CEP112: variants seen among roughly 807,000 people sequenced by gnomAD.
The protein encoded by CEP112 is centrosomal protein 112.
Under a neutral mutation model 153.0 loss-of-function variants are expected in CEP112, and 127 were observed. The ratio of observed to expected loss-of-function variants is 0.83; its 90% CI spans 0.72 to 0.96. The LOEUF (loss-of-function observed/expected upper bound fraction) is 0.96. CEP112 is among the 40% of genes least tolerant of loss of function. CEP112 has a pLI of 0.00. For missense variants in CEP112, 1,089 were observed against 1,101.2 expected (o/e 0.99, Z 0.16); for synonymous variants, 358 against 374.4 (o/e 0.96, Z 0.51).
At chr17:66,010,347 T>C (rs1398202149) in intron 16 of CEP112, among the ~76,000 whole-genome samples, 1 of 152,108 alleles carries the variant, frequency 6.6e-6, no homozygotes, top group Non-Finnish European at 1.5e-5. Context: ...TCAGATGAAG[T>C]TGTTTATCAG....
At position 66,122,529 on chromosome 17, in the gene CEP112, T is replaced by C. The variant is rs531760999; in HGVS notation, c.642+7217A>G. 1.3e-4 allele frequency among the ~76,000 whole-genome samples: 20 copies of C among 152,292 alleles called. 1 individual carries two copies. In the South Asian group the frequency reaches 4.1e-3, roughly 32 times the overall value. ...ATATTTCTCCCACAGGGTGAAGACT[T>C]TGGAATCACCCCTCAGTGTATGCAG... On this transcript the variant is annotated intron_variant, in intron 6 of 26. Coordinates refer to ENST00000535342, the MANE Select transcript of CEP112 (RefSeq NM_001199165.4).
At chr17:65,945,843 C>T (rs2061634291) in intron 18 of CEP112, among the ~76,000 whole-genome samples, 1 of 152,106 alleles carries the variant, frequency 6.6e-6, no homozygotes. Context: ...GATGGGGTTT[C>T]ACCATGTTGG....
intron 21 of CEP112, among the ~76,000 whole-genome samples, chr17:65,778,544 G>T (rs2053816074): frequency 6.6e-6 from 1 of 151,996 alleles, no homozygotes; most frequent in Admixed American, 6.6e-5. Context: ...CGTGGCTTTG[G>T]CATCATTGTT....
intron 24 of CEP112, among the ~76,000 whole-genome samples, chr17:65,667,319 C>G (rs2046744371): frequency 6.6e-6 from 1 of 152,084 alleles, no homozygotes; most frequent in African/African-American, 2.4e-5. Flanking sequence ...AATGGTTGAA[C>G]AAGCTTGGGA....
At chr17:66,077,419 G>C (rs1389476116) in intron 8 of CEP112, among the ~76,000 whole-genome samples, 1 of 152,178 alleles carries the variant, frequency 6.6e-6, no homozygotes, top group Non-Finnish European at 1.5e-5. Context: ...GCTCTGCAAA[G>C]TCTCAGCAAT....
chr17:66,188,218 T>A (rs191138063), intron 1 of CEP112, among the ~76,000 whole-genome samples: 1 of 151,922 alleles, frequency 6.6e-6, no homozygotes. Context: ...AACAGAATAC[T>A]ATCCAAACCC....
intron 6 of CEP112, among the ~76,000 whole-genome samples, chr17:66,127,714 A>G (rs560270120): frequency 3.9e-5 from 6 of 152,232 alleles, no homozygotes; most frequent in Admixed American, 1.3e-4. Flanking sequence ...TGACTCCAAC[A>G]TATACCTCCA....
intron 4 of CEP112, among the ~76,000 whole-genome samples, chr17:66,157,786 A>G (rs1014207821): frequency 1.3e-5 from 2 of 152,122 alleles, no homozygotes; most frequent in African/African-American, 4.8e-5. Context: ...CAAAAAAGAC[A>G]AAGAAGGGCA....
At chr17:65,757,458 A>G (rs563583895) in intron 21 of CEP112, among the ~76,000 whole-genome samples, 28 of 152,336 alleles carry the variant, frequency 1.8e-4, no homozygotes, top group African/African-American at 5.8e-4. Context: ...CATCTAAAAA[A>G]AGCAGGAAAG....
chr17:66,005,496 C>G (rs534110758), intron 17 of CEP112, among the ~76,000 whole-genome samples, 194 bp downstream of exon 17: 1 of 129,188 alleles, frequency 7.7e-6, no homozygotes, highest in South Asian at 3.2e-4. Context: ...AACAGCTGAA[C>G]TGATTTTTCT....
At chr17:65,841,092 G>A (rs952705432) in intron 21 of CEP112, among the ~76,000 whole-genome samples, 18 of 151,952 alleles carry the variant, frequency 1.2e-4, no homozygotes, top group African/African-American at 4.3e-4. Flanking sequence ...ACAGTATAAA[G>A]GTTCCTCAAA....
intron 17 of CEP112, among the ~76,000 whole-genome samples, chr17:65,993,662 G>A (rs2063676841): frequency 6.6e-6 from 1 of 152,058 alleles, no homozygotes; most frequent in Non-Finnish European, 1.5e-5. Flanking sequence ...TTCAACAAAT[G>A]AGCATGTAAA....
chr17:65,952,370 A>G (rs7225643), intron 18 of CEP112, among the ~76,000 whole-genome samples: 9,822 of 151,936 alleles, frequency 0.065, 463 homozygotes, highest in African/African-American at 0.12. Flanking sequence ...AATAAAAAAC[A>G]CTCAGTATAT....
Position 65,972,587 on chromosome 17 carries a change from C to T in CEP112, c.1737-10989G>A, listed in dbSNP as rs184812579. Among the ~76,000 whole-genome samples the T allele has an allele frequency of 2.3e-3, 344 of 152,034 alleles. 2 individuals carry two copies. Among genetic ancestry groups the T allele is most frequent in the African/African-American group, 7.5e-3 (312 of 41,490 alleles). On this transcript the variant is annotated intron_variant, in intron 17 of 26. Transcript: ENST00000535342. ...ACATTAGGCAAAAATCAGTGAATCC[C>T]AAAGCTGGTTCTTTGAGAAGATCAA...
At chr17:66,071,161 T>A (rs982440283) in intron 8 of CEP112, among the ~76,000 whole-genome samples, 1 of 152,118 alleles carries the variant, frequency 6.6e-6, no homozygotes, top group Non-Finnish European at 1.5e-5. Context: ...GATAAACATA[T>A]ATATCATATT....
intron 23 of CEP112, among the ~76,000 whole-genome samples, chr17:65,693,441 T>G (rs2048211591): frequency 7.3e-6 from 1 of 137,566 alleles, no homozygotes. Flanking sequence ...TTCTGCTCAG[T>G]GAAGTCAAGG....
chr17:65,915,270 C>T (rs543208001), intron 19 of CEP112, among the ~76,000 whole-genome samples: 2 of 152,248 alleles, frequency 1.3e-5, no homozygotes, highest in South Asian at 2.1e-4. Context: ...CATTTTAGCC[C>T]ACTCTTTACC....
chr17:65,672,281 T>C (rs1598274242), intron 24 of CEP112, among the ~76,000 whole-genome samples: 2 of 152,298 alleles, frequency 1.3e-5, no homozygotes, highest in South Asian at 4.1e-4. Flanking sequence ...CAAAGAGATG[T>C]AAAGTTCCTG....
chr17:65,834,687 C>G (rs1438410920), intron 21 of CEP112, among the ~76,000 whole-genome samples: 1 of 151,994 alleles, frequency 6.6e-6, no homozygotes, highest in Non-Finnish European at 1.5e-5. Flanking sequence ...AGTAAAAAGT[C>G]AAAAAATAAC....
Sources: gnomAD v4.1 joint callset for allele counts (sites outside exome capture counted in the v4.1 genomes callset) on GRCh38, gnomAD v4.1.1 for gene constraint, MANE v1.5 for transcripts, NCBI Gene and HGNC (gene_info 2026-07-23, HGNC 2026-07-21) for gene names.